KLHL15: variants seen among roughly 807,000 people sequenced by gnomAD.
The protein encoded by KLHL15 is kelch-like protein 15.
A neutral mutation model predicts 29.3 loss-of-function variants in KLHL15; 1 was observed. The observed-to-expected ratio is 0.03, with a 90% CI of 0.01 to 0.16. The LOEUF is 0.16. KLHL15 is among the 10% of genes least tolerant of loss of function. KLHL15 has a pLI of 1.00. For missense variants in KLHL15, 215 were observed against 478.5 expected (o/e 0.45, Z 5.14); for synonymous variants, 212 against 184.5 (o/e 1.15, Z -1.21).
intron 1 of KLHL15, among the ~76,000 whole-genome samples, chrX:24,025,773 C>T: frequency 9.1e-6 from 1 of 109,777 alleles, no homozygotes; most frequent in East Asian, 3.0e-4. Flanking sequence ...CCCCGCGTCC[C>T]GGCTGCCGGC....
intron 1 of KLHL15, among the ~76,000 whole-genome samples, chrX:24,026,114 ACAT>A (rs761325622): frequency 2.7e-5 from 3 of 112,361 alleles, no homozygotes; most frequent in African/African-American, 9.7e-5. Flanking sequence ...GCGCCAAATG[ACAT>A]CATTTTTTGT....
At position 23,985,277 on chromosome X, in the gene KLHL15, C is replaced by T. The variant is rs1180124253; in HGVS notation, c.*2644G>A. ...TTTTTCAAAAAACTACTTTTTTGAG[C>T]GCAATGTATATAAACAAAAACTCCA... On this transcript the variant is annotated 3_prime_UTR_variant, in exon 4 of 4. Transcript: ENST00000328046. The T allele has an allele frequency of 2.7e-5, 3 of 110,798 alleles. No individual in the cohort carries two copies. Among genetic ancestry groups the T allele is most frequent in the African/African-American group, 9.8e-5 (3 of 30,462 alleles). The allele number at this position is 110,798 out of a possible 1,213,427, so 9.1% of individuals were successfully genotyped here.
intron 2 of KLHL15, among the ~76,000 whole-genome samples, chrX:24,007,506 AAAAT>A (rs1367961542): frequency 1.7e-3 from 100 of 58,347 alleles, no homozygotes; most frequent in African/African-American, 5.0e-3. Context: ...AAAAAAAAAA[AAAAT>A]ATATATATAT....
intron 3 of KLHL15, among the ~76,000 whole-genome samples, chrX:23,994,425 G>A (rs959629920): frequency 9.8e-5 from 11 of 112,371 alleles, no homozygotes. Context: ...GACATTGGTT[G>A]GATACACTCT....
intron 2 of KLHL15, among the ~76,000 whole-genome samples, chrX:24,022,559 G>A (rs1056306946): frequency 3.3e-4 from 35 of 106,414 alleles, no homozygotes; most frequent in Admixed American, 9.1e-4. Context: ...GCTTGAGGCC[G>A]GGAGGTGGAG....
At chrX:24,018,959 C>A (rs5925985) in intron 2 of KLHL15, among the ~76,000 whole-genome samples, 1 of 68,853 alleles carries the variant, frequency 1.5e-5, no homozygotes, top group Non-Finnish European at 2.2e-5. Context: ...GCCAAGATTG[C>A]GCCACCTCCA....
intron 2 of KLHL15, among the ~76,000 whole-genome samples, chrX:24,023,228 A>C (rs139424327): frequency 0.012 from 1,340 of 111,548 alleles, 6 homozygotes; most frequent in Admixed American, 0.023. Flanking sequence ...TAGGTTTCTG[A>C]GATAACCCGA....
chrX:24,018,699 AT>A (rs1357390537), intron 2 of KLHL15, among the ~76,000 whole-genome samples: 1 of 111,512 alleles, frequency 9.0e-6, no homozygotes, highest in Non-Finnish European at 1.9e-5. Flanking sequence ...TATCCAAATA[AT>A]TTTTTTAAAG....
At chrX:24,009,777 G>A (rs972397011) in intron 2 of KLHL15, among the ~76,000 whole-genome samples, 2 of 107,235 alleles carry the variant, frequency 1.9e-5, no homozygotes, top group African/African-American at 6.8e-5. Flanking sequence ...ATCACCTGAG[G>A]TCAGGAGTTC....
chrX:23,991,172 G>GT (rs1230447868), intron 3 of KLHL15, among the ~76,000 whole-genome samples: 2 of 109,032 alleles, frequency 1.8e-5, no homozygotes, highest in African/African-American at 6.7e-5. Flanking sequence ...AGCCAACATG[G>GT]TGAAACCCCG....
At chrX:24,018,871 C>T (rs1164998501) in intron 2 of KLHL15, among the ~76,000 whole-genome samples, 1 of 110,873 alleles carries the variant, frequency 9.0e-6, no homozygotes, top group Non-Finnish European at 1.9e-5. Context: ...GGGGTGATGG[C>T]ATGTGCGTCT....
At chrX:23,998,320 G>A (rs1328382134) in intron 3 of KLHL15, among the ~76,000 whole-genome samples, 4 of 108,924 alleles carry the variant, frequency 3.7e-5, no homozygotes, top group Non-Finnish European at 7.6e-5. Flanking sequence ...GCAGTGGCGC[G>A]ATCTTGGCTC....
At chrX:24,002,961 G>C (rs1440536426) in intron 3 of KLHL15, among the ~76,000 whole-genome samples, 2 of 112,643 alleles carry the variant, frequency 1.8e-5, no homozygotes, top group Non-Finnish European at 3.7e-5. Flanking sequence ...AAACACCTTA[G>C]AATTTTTACA....
At chrX:24,017,259 T>C (rs906985675) in intron 2 of KLHL15, among the ~76,000 whole-genome samples, 9 of 102,436 alleles carry the variant, frequency 8.8e-5, no homozygotes, top group African/African-American at 2.9e-4. Context: ...AAATACAAAA[T>C]AGTGTGGTCG....
chrX:24,012,128 C>T (rs1011419552), intron 2 of KLHL15, among the ~76,000 whole-genome samples: 10 of 112,316 alleles, frequency 8.9e-5, no homozygotes, highest in African/African-American at 2.9e-4. Flanking sequence ...GCACTCCAGC[C>T]TGGATGACAG....
chrX:24,026,547 C>T (rs1357812009), intron 1 of KLHL15, among the ~76,000 whole-genome samples: 1 of 110,754 alleles, frequency 9.0e-6, no homozygotes, highest in Non-Finnish European at 1.9e-5. Context: ...AGATCCTAAA[C>T]TGAGGTATTT....
intron 3 of KLHL15, among the ~76,000 whole-genome samples, chrX:23,999,989 C>G (rs752531876): frequency 8.9e-6 from 1 of 112,145 alleles, no homozygotes; most frequent in Non-Finnish European, 1.9e-5. Context: ...ACTTAACCCA[C>G]TGACCTAGTT....
intron 2 of KLHL15, among the ~76,000 whole-genome samples, chrX:24,011,176 A>AG (rs1179937725): frequency 9.2e-6 from 1 of 109,229 alleles, no homozygotes; most frequent in Non-Finnish European, 1.9e-5. Context: ...TCAAAAAAAA[A>AG]AAAAAAGAAA....
At position 24,007,925 on chromosome X, in the gene KLHL15, GA is replaced by G. The variant is rs746122923; in HGVS notation, c.-7-1226del. Among the ~76,000 whole-genome samples the G allele has an allele frequency of 7.1e-3, 679 of 96,152 alleles. 4 individuals are homozygous for G. Among genetic ancestry groups the G allele is most frequent in the Non-Finnish European group, 0.011 (497 of 47,189 alleles). The allele number at this position is 96,152 out of a possible 115,157, so 83.5% of individuals were successfully genotyped here. ...AAAGAATATTTATCAGATATTGTAT[GA>G]AAAAAAAAACAAGTGACTGCAGTAT... On this transcript the variant is annotated intron_variant, in intron 2 of 3. Transcript: ENST00000328046.
Sources: allele counts gnomAD v4.1 joint callset (sites outside exome capture counted in the v4.1 genomes callset), GRCh38; gene constraint gnomAD v4.1.1; transcripts MANE v1.5; gene names NCBI Gene and HGNC (gene_info 2026-07-23, HGNC 2026-07-21).